The following RBFOX1 variants were observed in gnomAD, a reference collection of about 807,000 sequenced individuals.
RBFOX1 encodes RNA binding fox-1 homolog 1, also known as RNA binding protein fox-1 homolog 1.
In RBFOX1, 8 loss-of-function variants were observed where a neutral mutation model predicts 57.7. The observed-to-expected ratio is 0.14, with a 90% CI of 0.08 to 0.25. The LOEUF (loss-of-function observed/expected upper bound fraction) is 0.25. RBFOX1 is among the 10% of genes least tolerant of loss of function. The pLI is 1.00. For synonymous variants in RBFOX1, 326 were observed against 222.4 expected, an observed-to-expected ratio of 1.47 and a Z score of -4.15; for missense variants, 611 against 548.5, an observed-to-expected ratio of 1.11 and a Z score of -1.14.
intron 4 of RBFOX1, among the ~76,000 whole-genome samples, chr16:7,389,538 G>A (rs1300069509): frequency 3.9e-5 from 6 of 152,106 alleles, no homozygotes; most frequent in Admixed American, 1.3e-4. Context: ...TTAATCTTGC[G>A]AACAACTCTG....
At chr16:6,129,842 A>T (rs554504064) in intron 1 of RBFOX1, among the ~76,000 whole-genome samples, 3 of 152,170 alleles carry the variant, frequency 2.0e-5, no homozygotes, top group African/African-American at 4.8e-5. Flanking sequence ...CTGATTTCTC[A>T]TAGAAACTGT....
chr16:5,825,468 G>T (rs948845402), intron 3 of RBFOX1, among the ~76,000 whole-genome samples: 1 of 152,204 alleles, frequency 6.6e-6, no homozygotes. Flanking sequence ...ATCTACTGGG[G>T]TTTTACCTGG....
chr16:6,270,121 T>G (rs1044222670), intron 1 of RBFOX1, among the ~76,000 whole-genome samples: 8 of 151,810 alleles, frequency 5.3e-5, no homozygotes, highest in Admixed American at 5.2e-4. Flanking sequence ...TAAAATTTAA[T>G]TATGAAAATA....
At chr16:6,555,292 G>A (rs2097077674) in intron 2 of RBFOX1, among the ~76,000 whole-genome samples, 1 of 152,146 alleles carries the variant, frequency 6.6e-6, no homozygotes, top group African/African-American at 2.4e-5. Context: ...TATCCATTGG[G>A]CATGATCAAT....
At chr16:6,234,853 A>G (rs1046674661) in intron 1 of RBFOX1, among the ~76,000 whole-genome samples, 4 of 152,186 alleles carry the variant, frequency 2.6e-5, no homozygotes, top group African/African-American at 9.7e-5. Context: ...ATGCAGTGAA[A>G]TGTGAACAAG....
At chr16:6,633,899 G>A (rs998963471) in intron 2 of RBFOX1, among the ~76,000 whole-genome samples, 6 of 151,866 alleles carry the variant, frequency 4.0e-5, no homozygotes, top group South Asian at 2.1e-4. Flanking sequence ...TAGTCCTAGC[G>A]ACTCAGGAGG....
chr16:5,762,490 T>C (rs1204006923), intron 3 of RBFOX1, among the ~76,000 whole-genome samples: 1 of 152,180 alleles, frequency 6.6e-6, no homozygotes, highest in Non-Finnish European at 1.5e-5. Flanking sequence ...GCAATAAGAC[T>C]AATATGCTCG....
At chr16:6,285,718 A>C (rs1229755216) in intron 1 of RBFOX1, among the ~76,000 whole-genome samples, 1 of 152,092 alleles carries the variant, frequency 6.6e-6, no homozygotes, top group South Asian at 2.1e-4. Flanking sequence ...ATGGCTAAGG[A>C]CAATAGGGTC....
At chr16:7,372,205 C>A (rs1020163034) in intron 4 of RBFOX1, among the ~76,000 whole-genome samples, 3 of 152,098 alleles carry the variant, frequency 2.0e-5, no homozygotes, top group African/African-American at 7.2e-5. Flanking sequence ...TTCTCACCAT[C>A]AGTGCAGACA....
chr16:6,942,098 G>T (rs189372116), intron 3 of RBFOX1, among the ~76,000 whole-genome samples: 98 of 152,144 alleles, frequency 6.4e-4, no homozygotes, highest in African/African-American at 2.2e-3. Context: ...AATTAGCCAC[G>T]TGCAGTGGTG....
At chr16:6,813,944 C>T (rs1318399333) in intron 3 of RBFOX1, among the ~76,000 whole-genome samples, 1 of 152,168 alleles carries the variant, frequency 6.6e-6, no homozygotes, top group Non-Finnish European at 1.5e-5. Context: ...ACCCAGCAAA[C>T]TATTAACCAG....
chr16:6,661,183 C>T (rs2098699156), intron 3 of RBFOX1, among the ~76,000 whole-genome samples: 1 of 152,156 alleles, frequency 6.6e-6, no homozygotes, highest in Non-Finnish European at 1.5e-5. Flanking sequence ...TTACTATGAG[C>T]AATCCAAATG....
chr16:5,666,763 A>T (rs914801521), intron 3 of RBFOX1, among the ~76,000 whole-genome samples: 2 of 152,208 alleles, frequency 1.3e-5, no homozygotes, highest in African/African-American at 2.4e-5. Context: ...CTGCTTAAGG[A>T]GTCAGCATGA....
At chr16:7,190,490 G>T (rs1363958565) in intron 4 of RBFOX1, among the ~76,000 whole-genome samples, 1 of 151,138 alleles carries the variant, frequency 6.6e-6, no homozygotes, top group African/African-American at 2.5e-5. Flanking sequence ...TATCATCCAG[G>T]CATTTTTTTT....
intron 2 of RBFOX1, among the ~76,000 whole-genome samples, chr16:6,545,359 G>A (rs1360406875): frequency 6.6e-6 from 1 of 152,134 alleles, no homozygotes; most frequent in Admixed American, 6.5e-5. Flanking sequence ...TGTAATCCCA[G>A]TTTCATCTGG....
At chr16:7,694,584 C>G (rs1465845089) in intron 14 of RBFOX1, among the ~76,000 whole-genome samples, 1 of 152,194 alleles carries the variant, frequency 6.6e-6, no homozygotes, top group Non-Finnish European at 1.5e-5. Flanking sequence ...AACCTCTTTG[C>G]TGATGGTCCT....
At chr16:6,387,438 A>G (rs963312529) in intron 2 of RBFOX1, among the ~76,000 whole-genome samples, 2 of 151,354 alleles carry the variant, frequency 1.3e-5, no homozygotes, top group African/African-American at 2.4e-5. Context: ...TTGTGAGGGA[A>G]GAGCCACCCT....
At chr16:7,323,052 A>G (rs1177303743) in intron 4 of RBFOX1, among the ~76,000 whole-genome samples, 1 of 152,038 alleles carries the variant, frequency 6.6e-6, no homozygotes, top group Non-Finnish European at 1.5e-5. Flanking sequence ...CTTTACCTCT[A>G]AGGACTGTTG....
chr16:6,523,624 A>C (rs1326417815), intron 2 of RBFOX1, among the ~76,000 whole-genome samples: 2 of 152,166 alleles, frequency 1.3e-5, no homozygotes. Context: ...TCACATTCTC[A>C]AGATTTTATC....
Sources: gnomAD v4.1 joint callset for allele counts (sites outside exome capture counted in the v4.1 genomes callset) on GRCh38, gnomAD v4.1.1 for gene constraint, MANE v1.5 for transcripts, NCBI Gene and HGNC (gene_info 2026-07-23, HGNC 2026-07-21) for gene names.